The following MIA2 variants were observed in gnomAD, a reference collection of about 807,000 sequenced individuals.
MIA2 encodes the protein MIA SH3 domain ER export factor 2, also known as melanoma inhibitory activity protein 2.
MIA2 carries 127 observed loss-of-function variants against 167.8 expected under a neutral mutation model. The observed-to-expected ratio is 0.76, with a 90% CI of 0.66 to 0.88. The LOEUF (loss-of-function observed/expected upper bound fraction) is 0.88, where lower values mean the gene tolerates loss of function less well. Among genes scored for constraint, MIA2 ranks in the 40% least tolerant of loss-of-function variants. The pLI, the probability that MIA2 is intolerant of heterozygous loss-of-function variation, is 0.00. For missense variants in MIA2, 1,690 were observed against 1,624.7 expected (o/e 1.04, Z -0.69); for synonymous variants, 552 against 541.9 (o/e 1.02, Z -0.26).
At chr14:39,386,799 G>T in intron 23 of MIA2, 1 of 1,058,432 alleles carries the variant, frequency 9.4e-7, no homozygotes, top group Non-Finnish European at 1.5e-6. Context: ...TGATAGATTA[G>T]TGTCACCATT....
At chr14:39,241,962 G>C (rs1594628350) in intron 3 of MIA2, among the ~76,000 whole-genome samples, 2 of 152,142 alleles carry the variant, frequency 1.3e-5, no homozygotes, top group African/African-American at 4.8e-5. Context: ...ACCCAAACAG[G>C]CTATTTCTTC....
At chr14:39,379,236 T>G (rs2075105643) in intron 23 of MIA2, among the ~76,000 whole-genome samples, 1 of 152,156 alleles carries the variant, frequency 6.6e-6, no homozygotes, top group Non-Finnish European at 1.5e-5. Context: ...TAGTGTACCT[T>G]TGGTACTAAT....
chr14:39,375,151 CT>C (rs1240607657), intron 23 of MIA2, among the ~76,000 whole-genome samples: 2 of 152,130 alleles, frequency 1.3e-5, no homozygotes, highest in African/African-American at 4.8e-5. Context: ...ACTTAAGAGC[CT>C]TCTGTTTTCT....
intron 23 of MIA2, among the ~76,000 whole-genome samples, chr14:39,380,689 C>T (rs1407569954): frequency 1.8e-4 from 10 of 55,776 alleles, no homozygotes; most frequent in Admixed American, 2.5e-4. Flanking sequence ...GAGACTCAGA[C>T]TCAAAAAAAA....
chr14:39,328,735 T>C (rs78590680), intron 25 of MIA2, among the ~76,000 whole-genome samples: 1 of 152,190 alleles, frequency 6.6e-6, no homozygotes, highest in Non-Finnish European at 1.5e-5. Context: ...CCTTTCCCCA[T>C]TGGTTGTTTT....
At chr14:39,279,882 A>C (rs1009819960) in intron 9 of MIA2, among the ~76,000 whole-genome samples, 2 of 152,170 alleles carry the variant, frequency 1.3e-5, no homozygotes, top group Admixed American at 6.6e-5. Flanking sequence ...CCACCCTAAC[A>C]ACCTTATTTT....
intron 14 of MIA2, among the ~76,000 whole-genome samples, chr14:39,300,723 G>A (rs1279775820): frequency 2.0e-5 from 3 of 150,320 alleles, no homozygotes; most frequent in Admixed American, 2.0e-4. Flanking sequence ...TGTAAATGAC[G>A]AGTTAATGGG....
chr14:39,294,777 G>A, intron 12 of MIA2, 148 bp from the exon 13 acceptor site: 1 of 640,864 alleles, frequency 1.6e-6, no homozygotes, highest in Middle Eastern at 4.5e-4. Flanking sequence ...TTCTAGACAA[G>A]CCTTTTTTCT....
chr14:39,278,942 C>T (rs1484538455), intron 7 of MIA2, among the ~76,000 whole-genome samples: 1 of 152,134 alleles, frequency 6.6e-6, no homozygotes, highest in African/African-American at 2.4e-5. Flanking sequence ...AGGTGGATCA[C>T]CTGAGGTCAG....
intron 25 of MIA2, among the ~76,000 whole-genome samples, chr14:39,339,605 G>T (rs1366052330): frequency 6.6e-6 from 1 of 152,234 alleles, no homozygotes; most frequent in Non-Finnish European, 1.5e-5. Context: ...GTGTAGTTAT[G>T]TATTTCAATG....
At chr14:39,273,292 A>C (rs150980665) in intron 6 of MIA2, among the ~76,000 whole-genome samples, 31 of 142,534 alleles carry the variant, frequency 2.2e-4, no homozygotes, top group African/African-American at 7.1e-4. Flanking sequence ...GGTTTTGCAT[A>C]GATGTTTCTT....
At chr14:39,377,891 ATTC>A (rs1302056030) in intron 23 of MIA2, among the ~76,000 whole-genome samples, 1 of 152,012 alleles carries the variant, frequency 6.6e-6, no homozygotes, top group African/African-American at 2.4e-5. Context: ...AATTGGGTGA[ATTC>A]TTCTCTTTTT....
chr14:39,260,732 T>C (rs1294907223), intron 6 of MIA2, among the ~76,000 whole-genome samples: 2 of 152,236 alleles, frequency 1.3e-5, no homozygotes, highest in African/African-American at 4.8e-5. Flanking sequence ...TTTGTCAATT[T>C]TGGCTTTTGT....
intron 6 of MIA2, among the ~76,000 whole-genome samples, chr14:39,255,324 ATGG>A (rs1326440326): frequency 6.6e-6 from 1 of 152,180 alleles, no homozygotes; most frequent in Non-Finnish European, 1.5e-5. Flanking sequence ...CCTGGCCAAC[ATGG>A]TGAAACCTCG....
intron 14 of MIA2, among the ~76,000 whole-genome samples, chr14:39,301,880 C>T (rs1052351174): frequency 6.6e-6 from 1 of 152,100 alleles, no homozygotes; most frequent in African/African-American, 2.4e-5. Context: ...TTTTTAGTTG[C>T]ATAATATTAA....
At chr14:39,244,656 A>T (rs994472812) in intron 3 of MIA2, among the ~76,000 whole-genome samples, 3 of 151,504 alleles carry the variant, frequency 2.0e-5, no homozygotes, top group Non-Finnish European at 2.9e-5. Context: ...CATTCAGATT[A>T]AAAAAAAAGT....
chr14:39,342,258 A>G (rs1020040238), intron 25 of MIA2, among the ~76,000 whole-genome samples: 25 of 148,676 alleles, frequency 1.7e-4, no homozygotes, highest in Admixed American at 3.4e-4. Context: ...GAGAACATGC[A>G]GTGTTTGGTT....
chr14:39,296,965 C>T (rs988146530), intron 13 of MIA2, among the ~76,000 whole-genome samples: 4 of 148,068 alleles, frequency 2.7e-5, no homozygotes, highest in South Asian at 4.3e-4. Context: ...TTAATAGAGA[C>T]GGAGTTTCAC....
rs1244691860 is a variant in MIA2 at position 39,326,944 on chromosome 14, C to A, written c.3577C>A (p.Pro1193Thr). 2 of 1,595,280 alleles carry A rather than the reference C, an allele frequency of 1.3e-6. No individual in the cohort carries two copies. The highest frequency in any genetic ancestry group is 2.7e-5 in the African/African-American group (2 of 73,580). Residue 1193 changes from proline (P) to threonine (T), a missense_variant, in exon 25 of 29, where the codon CCT (proline) becomes ACT (threonine). Transcript: ENST00000640607. ...GESSCDRLTD[P>T]HRAPSDTGSL... Reference sequence around the variant, plus strand: ...ATCAAGCTGTGATAGGTTAACCGATCCTCATAGGGCTCCCTCTGACACTGG... The same window carrying A: ...ATCAAGCTGTGATAGGTTAACCGATACTCATAGGGCTCCCTCTGACACTGG...
Sources: gnomAD v4.1 joint callset for allele counts (sites outside exome capture counted in the v4.1 genomes callset) on GRCh38, gnomAD v4.1.1 for gene constraint, MANE v1.5 for transcripts, NCBI Gene and HGNC (gene_info 2026-07-23, HGNC 2026-07-21) for gene names.